The following LEKR1 variants were observed in gnomAD, a reference collection of about 807,000 sequenced individuals.
LEKR1 encodes the protein leucine, glutamate and lysine rich 1.
In LEKR1, 59 loss-of-function variants were observed where a neutral mutation model predicts 72.4. The ratio of observed to expected loss-of-function variants is 0.82; its 90% CI spans 0.66 to 1.01. LEKR1 has a LOEUF of 1.01. Among genes scored for constraint, LEKR1 ranks in the 50% least tolerant of loss-of-function variants. The probability of loss-of-function intolerance (pLI) is 0.00; values close to 1 mark genes in which losing one functional copy is unlikely to be tolerated. For missense variants in LEKR1, 728 were observed against 759.2 expected, an observed-to-expected ratio of 0.96 and a Z score of 0.48; for synonymous variants, 257 against 263.2, an observed-to-expected ratio of 0.98 and a Z score of 0.23.
Position 156,877,184 on chromosome 3 carries a change from A to T in LEKR1, c.263+24202A>T, listed in dbSNP as rs139783978. Among the ~76,000 whole-genome samples the T allele has an allele frequency of 6.6e-5, 10 of 152,258 alleles. No individual in the cohort carries two copies. The East Asian group carries it at 1.7e-3, about 26-fold the overall frequency. On this transcript the variant is annotated intron_variant, in intron 3 of 12. Transcript: ENST00000356539. Reference sequence around the variant, plus strand: ...GAAACCTAATTGATCATGGTGTATTATCTCTTTGATATTCAGTTGGATTTG... The same window carrying T: ...GAAACCTAATTGATCATGGTGTATTTTCTCTTTGATATTCAGTTGGATTTG...
chr3:156,912,911 C>T (rs2108569257), intron 3 of LEKR1, among the ~76,000 whole-genome samples: 1 of 152,284 alleles, frequency 6.6e-6, no homozygotes, highest in Non-Finnish European at 1.5e-5. Context: ...GAGGCAGACT[C>T]CCCTACCTCA....
At chr3:157,041,323 C>T (rs2108047666) in intron 12 of LEKR1, among the ~76,000 whole-genome samples, 1 of 152,232 alleles carries the variant, frequency 6.6e-6, no homozygotes, top group African/African-American at 2.4e-5. Flanking sequence ...CTCCCTGGCT[C>T]CCATCTTGCT....
rs58950224 is a variant in LEKR1, at chr3:157,017,948, C to CAAAAA, written c.1203+6462_1203+6466dup. 2.0e-3 allele frequency among the ~76,000 whole-genome samples: 163 copies of CAAAAA among 82,850 alleles called. 9 individuals carry two copies. The highest frequency in any genetic ancestry group is 6.9e-3 in the African/African-American group (95 of 13,758). The allele number at this position is 82,850 out of a possible 152,430, so 54.4% of individuals were successfully genotyped here. On this transcript the variant is annotated intron_variant, in intron 10 of 12. Transcript: ENST00000356539. ...TGGGCCACAGAGCGAGACTCTGTCT[C>CAAAAA]AAAAAAAAAAAAAAAAAAAAAAAAG...
At chr3:156,917,753 G>A (rs1576818920) in intron 3 of LEKR1, among the ~76,000 whole-genome samples, 1 of 152,112 alleles carries the variant, frequency 6.6e-6, no homozygotes, top group Non-Finnish European at 1.5e-5. Context: ...TTGCTCCTAG[G>A]AGTAAACCAA....
chr3:156,885,655 C>T (rs529834766), intron 3 of LEKR1, among the ~76,000 whole-genome samples: 1 of 152,366 alleles, frequency 6.6e-6, no homozygotes, highest in Middle Eastern at 3.4e-3. Flanking sequence ...CTAGCACCTC[C>T]TCTGGTAGAG....
chr3:157,012,706 G>A (rs1477912242), intron 10 of LEKR1, among the ~76,000 whole-genome samples: 1 of 152,044 alleles, frequency 6.6e-6, no homozygotes, highest in Non-Finnish European at 1.5e-5. Flanking sequence ...TACCACATGG[G>A]CCAAAACAAA....
In LEKR1 at chr3:156,920,669, A is replaced by G; in HGVS notation, c.358A>G (p.Lys120Glu). The G allele has an allele frequency of 1.4e-6, 2 of 1,417,280 alleles. No homozygotes were observed. The highest frequency in any genetic ancestry group is 1.9e-6 in the Non-Finnish European group (2 of 1,048,038). 87.8% of individuals were successfully genotyped at this position (1,417,280 alleles called of 1,614,324 possible). A position where few individuals can be genotyped will look rare whatever the true frequency, so the allele number is the denominator to read the frequency against. Residue 120 changes from lysine (K) to glutamate (E), a missense_variant, in exon 4 of 13, where the codon AAA (lysine) becomes GAA (glutamate). Physicochemically the swap from Lys to Glu is moderately conservative, Grantham distance 56. Transcript: ENST00000356539. ...LSHLQDELKI[K>E]YRQSYIFSQR... Reference sequence around the variant, plus strand: ...TCATTTGCAAGATGAGCTAAAAATTAAATATAGACAATCATACATCTTCAG... The same window carrying G: ...TCATTTGCAAGATGAGCTAAAAATTGAATATAGACAATCATACATCTTCAG...
intron 9 of LEKR1, among the ~76,000 whole-genome samples, chr3:157,004,228 A>G (rs576353295): frequency 6.6e-6 from 1 of 152,318 alleles, no homozygotes; most frequent in East Asian, 1.9e-4. Flanking sequence ...TACCAGAAGT[A>G]AAGAAGTTCA....
chr3:156,861,003 A>C (rs1479399887), intron 3 of LEKR1, among the ~76,000 whole-genome samples: 2 of 152,134 alleles, frequency 1.3e-5, no homozygotes, highest in Admixed American at 6.6e-5. Flanking sequence ...CTTTTTCAGA[A>C]AGTTTCACCT....
intron 5 of LEKR1, among the ~76,000 whole-genome samples, chr3:156,928,870 T>A (rs891861487): frequency 5.3e-5 from 8 of 151,940 alleles, no homozygotes; most frequent in Non-Finnish European, 8.8e-5. Context: ...AAGAAAAAAA[T>A]AAATACTCTT....
At chr3:156,975,311 T>A (rs1729594626) in intron 6 of LEKR1, among the ~76,000 whole-genome samples, 1 of 151,988 alleles carries the variant, frequency 6.6e-6, no homozygotes, top group African/African-American at 2.4e-5. Context: ...AAAAAAAAAA[T>A]TTCCCTGATC....
In LEKR1 at chr3:156,829,470, T is replaced by C. The variant is rs1712077498; in HGVS notation, c.48+93T>C. 6 of 824,856 alleles carry C rather than the reference T, an allele frequency of 7.3e-6. No individual in the cohort carries two copies. The South Asian group carries it at 1.1e-4, about 14-fold the overall frequency. The allele number at this position is 824,856 out of a possible 1,614,324, so 51.1% of individuals were successfully genotyped here. A position where few individuals can be genotyped will look rare whatever the true frequency, so the allele number is the denominator to read the frequency against. On this transcript the variant is annotated intron_variant, in intron 2 of 12. Transcript: ENST00000356539. ...AGAGGAGTGAATTCATTAATTTTGG[T>C]CATAGGATCTGAATGAATTGGTGGA...
In LEKR1 at chr3:157,028,084, T is replaced by C. The variant is rs748810215; in HGVS notation, c.1369-19T>C. The C allele has an allele frequency of 4.0e-6, 6 of 1,501,770 alleles. No homozygotes were observed. Among genetic ancestry groups the C allele is most frequent in the South Asian group, 1.3e-5 (1 of 76,234 alleles). 93.0% of individuals were successfully genotyped at this position (1,501,770 alleles called of 1,614,324 possible). The stretch of plus-strand genomic sequence containing the variant: ...CTAGAAACTATCGCCTACAAGCTAA[T>C]ATGAGATTTATCTTACAGATATCTG... On this transcript the variant is annotated intron_variant, in intron 11 of 12. Transcript: ENST00000356539.
chr3:156,895,103 C>T (rs950381177), intron 3 of LEKR1, among the ~76,000 whole-genome samples: 2 of 152,146 alleles, frequency 1.3e-5, no homozygotes, highest in African/African-American at 4.8e-5. Flanking sequence ...CTACAGTCAA[C>T]CTACAGAATG....
At chr3:156,993,779 G>C (rs188675249) in intron 9 of LEKR1, among the ~76,000 whole-genome samples, 2 of 152,132 alleles carry the variant, frequency 1.3e-5, no homozygotes, top group African/African-American at 4.8e-5. Flanking sequence ...AAGTACATTG[G>C]TCCAGGCTTC....
intron 9 of LEKR1, among the ~76,000 whole-genome samples, chr3:157,000,817 T>C (rs2108015222): frequency 6.6e-6 from 1 of 152,378 alleles, no homozygotes; most frequent in East Asian, 1.9e-4. Flanking sequence ...AAATCTCATC[T>C]TGAATTGTAA....
chr3:156,946,165 G>A (rs1182369706), intron 6 of LEKR1, among the ~76,000 whole-genome samples: 1 of 150,864 alleles, frequency 6.6e-6, no homozygotes, highest in Non-Finnish European at 1.5e-5. Flanking sequence ...TACTTCTTTG[G>A]TTAGGTTTAT....
At chr3:156,852,374 A>AC (rs1186073557) in intron 2 of LEKR1, among the ~76,000 whole-genome samples, 1 of 152,232 alleles carries the variant, frequency 6.6e-6, no homozygotes, top group Non-Finnish European at 1.5e-5. Flanking sequence ...AGATCTGAAA[A>AC]AGCCAGGAGA....
chr3:156,886,277 G>T (rs924796701), intron 3 of LEKR1, among the ~76,000 whole-genome samples: 1 of 152,110 alleles, frequency 6.6e-6, no homozygotes, highest in African/African-American at 2.4e-5. Context: ...CACACAGTTG[G>T]AGAGGCTGTT....
Sources: gnomAD v4.1 joint callset for allele counts (sites outside exome capture counted in the v4.1 genomes callset) on GRCh38, gnomAD v4.1.1 for gene constraint, MANE v1.5 for transcripts, NCBI Gene and HGNC (gene_info 2026-07-23, HGNC 2026-07-21) for gene names.